Variants in GRAMD2B observed in about 807,000 individuals in gnomAD.
The protein encoded by GRAMD2B is GRAM domain-containing protein 2B.
GRAMD2B carries 41 observed loss-of-function variants against 59.2 expected under a neutral mutation model. The observed-to-expected ratio is 0.69, with a 90% confidence interval of 0.54 to 0.90. The LOEUF is 0.90. Among genes scored for constraint, GRAMD2B ranks in the 40% least tolerant of loss-of-function variants. The probability of loss-of-function intolerance (pLI) is 0.00; values close to 1 mark genes in which losing one functional copy is unlikely to be tolerated. For synonymous variants in GRAMD2B, 161 were observed against 182.7 expected, an observed-to-expected ratio of 0.88 and a Z score of 0.96; for missense variants, 424 against 500.5, an observed-to-expected ratio of 0.85 and a Z score of 1.46.
chr5:126,461,250 G>T (rs1316422176), intron 1 of GRAMD2B, among the ~76,000 whole-genome samples: 1 of 152,218 alleles, frequency 6.6e-6, no homozygotes, highest in African/African-American at 2.4e-5. Context: ...TGTGACAAGA[G>T]AAAGGTGTAT....
chr5:126,366,405 T>A (rs979651293), upstream of GRAMD2B, among the ~76,000 whole-genome samples: 3 of 152,214 alleles, frequency 2.0e-5, no homozygotes, highest in African/African-American at 7.2e-5. Context: ...GCAAATCATA[T>A]CTTTCACTTA....
chr5:126,383,713 A>G (rs1039645208), intron 1 of GRAMD2B, among the ~76,000 whole-genome samples: 1 of 152,226 alleles, frequency 6.6e-6, no homozygotes, highest in Non-Finnish European at 1.5e-5. Context: ...GGCATTATCC[A>G]AGTTCATGGA....
intron 1 of GRAMD2B, among the ~76,000 whole-genome samples, chr5:126,455,316 T>A (rs1305529961): frequency 6.6e-6 from 1 of 152,184 alleles, no homozygotes; most frequent in Non-Finnish European, 1.5e-5. Flanking sequence ...TGTTTAAAAA[T>A]CTTCAATTAA....
Position 126,493,283 on chromosome 5 carries a change from C to G in GRAMD2B, c.*327C>G. ...CGATGGCGTCAGCAAACACTCCACC[C>G]TGTGCCTTTTTAGTCCTTCCCGCCC... On this transcript the variant is annotated 3_prime_UTR_variant, in exon 14 of 14. Transcript: ENST00000285689. 3.4e-6 allele frequency: 1 copy of G among 296,040 alleles called. No homozygotes were observed. The allele number at this position is 296,040 out of a possible 1,614,324, so 18.3% of individuals were successfully genotyped here.
chr5:126,377,904 T>C (rs1277819393), intron 1 of GRAMD2B, among the ~76,000 whole-genome samples: 1 of 152,224 alleles, frequency 6.6e-6, no homozygotes, highest in Non-Finnish European at 1.5e-5. Context: ...TAAATCATAA[T>C]ATACATAAAT....
intron 1 of GRAMD2B, among the ~76,000 whole-genome samples, chr5:126,433,055 G>A (rs574211065): frequency 2.0e-4 from 30 of 152,306 alleles, no homozygotes; most frequent in African/African-American, 5.8e-4. Context: ...TAAAGCCTTT[G>A]CCATAAGGAG....
chr5:126,460,913 C>A (rs1028587059), intron 1 of GRAMD2B, among the ~76,000 whole-genome samples: 6 of 152,198 alleles, frequency 3.9e-5, no homozygotes, highest in Non-Finnish European at 7.3e-5. Flanking sequence ...TTGATCAAGA[C>A]TGTGGCTTTA....
chr5:126,470,184 A>C (rs1769278339), intron 3 of GRAMD2B, among the ~76,000 whole-genome samples: 1 of 152,198 alleles, frequency 6.6e-6, no homozygotes, highest in African/African-American at 2.4e-5. Flanking sequence ...CTGCACACAG[A>C]GGAGTTAGAC....
At chr5:126,408,956 T>C (rs1251818510) in intron 1 of GRAMD2B, among the ~76,000 whole-genome samples, 2 of 151,058 alleles carry the variant, frequency 1.3e-5, no homozygotes, top group African/African-American at 4.9e-5. Flanking sequence ...CTTTTGTTCC[T>C]GCGATAGTTT....
intron 1 of GRAMD2B, among the ~76,000 whole-genome samples, chr5:126,396,921 G>C (rs889102953): frequency 6.6e-6 from 1 of 152,110 alleles, no homozygotes; most frequent in Non-Finnish European, 1.5e-5. Flanking sequence ...TTTCTCTTAT[G>C]ATCAGTGATG....
chr5:126,453,887 C>A (rs995791996), intron 1 of GRAMD2B, among the ~76,000 whole-genome samples: 2 of 152,156 alleles, frequency 1.3e-5, no homozygotes, highest in Non-Finnish European at 2.9e-5. Context: ...TAAGCCCAAG[C>A]CCTTTTTAAA....
In GRAMD2B at chr5:126,470,287, CAG is replaced by C. The variant is rs1399859819; in HGVS notation, c.315+504_315+505del. On this transcript the variant is annotated intron_variant, in intron 3 of 13. Transcript: ENST00000285689. The stretch of plus-strand genomic sequence containing the variant: ...GAAACAAAGCCTAGTTCTATGTCAT[CAG>C]AGAGTGTGATGCATGTGCTGGGGAC... 2.6e-5 allele frequency among the ~76,000 whole-genome samples: 4 copies of C among 152,302 alleles called. No individual in the cohort carries two copies. In the East Asian group the frequency reaches 7.7e-4, roughly 29 times the overall value.
rs1342173822 is a variant in GRAMD2B, at chr5:126,484,477, A to G, written c.923A>G (p.His308Arg). Residue 308 changes from histidine to arginine, a missense_variant, in exon 10 of 14, where the codon CAT (histidine) becomes CGT (arginine). Coordinates refer to ENST00000285689, the MANE Select transcript of GRAMD2B (RefSeq NM_023927.4). ...GCAAAGCCAACTCGGGCAGATGCCC[A>G]TGTGAACAGAGTACCTGAAGGAAAA... ...GEAKPTRADAHVNRVPEGKAK... is the reference protein window; with the variant it reads ...GEAKPTRADARVNRVPEGKAK... The G allele has an allele frequency of 2.5e-6, 4 of 1,614,074 alleles. No homozygotes were observed. Among genetic ancestry groups the G allele is most frequent in the Admixed American group, 1.7e-5 (1 of 60,008 alleles).
At chr5:126,456,429 G>A (rs903713630) in intron 1 of GRAMD2B, among the ~76,000 whole-genome samples, 1 of 151,674 alleles carries the variant, frequency 6.6e-6, no homozygotes, top group Admixed American at 6.6e-5. Context: ...GTCCAGGCTG[G>A]TGTCAAACTG....
intron 2 of GRAMD2B, chr5:126,467,746 A>C (rs1202287733): frequency 6.6e-6 from 1 of 152,230 alleles, no homozygotes; most frequent in Non-Finnish European, 1.5e-5. Context: ...TAGAATTCCC[A>C]GGGAATTTAT....
chr5:126,466,116 A>G (rs1420053933), intron 2 of GRAMD2B, among the ~76,000 whole-genome samples: 1 of 152,210 alleles, frequency 6.6e-6, no homozygotes, highest in African/African-American at 2.4e-5. Context: ...GGGCACTTAA[A>G]AGATAGCGGT....
chr5:126,486,805 G>C, intron 11 of GRAMD2B, 68 bp from the exon 12 acceptor site: 2 of 932,238 alleles, frequency 2.1e-6, no homozygotes, highest in Non-Finnish European at 3.5e-6. Flanking sequence ...CATTGGCACT[G>C]AGTTGTTTTA....
intron 1 of GRAMD2B, among the ~76,000 whole-genome samples, chr5:126,457,826 G>T (rs1766604504): frequency 6.6e-6 from 1 of 151,884 alleles, no homozygotes. Flanking sequence ...GAGGTGTGTG[G>T]GTCAGGTCCT....
At chr5:126,389,235 C>A (rs1274598211) in intron 1 of GRAMD2B, among the ~76,000 whole-genome samples, 6 of 152,164 alleles carry the variant, frequency 3.9e-5, no homozygotes, top group Non-Finnish European at 8.8e-5. Context: ...AAATGAATCA[C>A]CTCATCTGTG....
Sources: allele counts gnomAD v4.1 joint callset (sites outside exome capture counted in the v4.1 genomes callset), GRCh38; gene constraint gnomAD v4.1.1; transcripts MANE v1.5; gene names NCBI Gene and HGNC (gene_info 2026-07-23, HGNC 2026-07-21).